LRRC40: variants seen among roughly 807,000 people sequenced by gnomAD.
LRRC40 encodes leucine rich repeat containing 40.
Under a neutral mutation model 72.8 loss-of-function variants are expected in LRRC40, and 76 were observed. That is an observed-to-expected ratio of 1.04 (90% confidence interval 0.87 to 1.26). LRRC40 has a LOEUF of 1.26. Among genes scored for constraint, LRRC40 ranks in the 50% most tolerant of loss-of-function variants. The pLI is 0.00. For synonymous variants in LRRC40, 243 were observed against 254.2 expected, an observed-to-expected ratio of 0.96 and a Z score of 0.42; for missense variants, 684 against 698.9, an observed-to-expected ratio of 0.98 and a Z score of 0.24.
chr1:70,162,313 G>A (rs751284574), intron 9 of LRRC40, among the ~76,000 whole-genome samples: 2 of 152,098 alleles, frequency 1.3e-5, no homozygotes, highest in Non-Finnish European at 2.9e-5. Flanking sequence ...TGGAGAACAT[G>A]CAGAGCTAGT....
At chr1:70,152,364 A>G in intron 12 of LRRC40, 69 bp downstream of exon 12, 3 of 809,548 alleles carry the variant, frequency 3.7e-6, no homozygotes, top group East Asian at 2.6e-5. Flanking sequence ...GGTAAAAAGA[A>G]TAAGTTAGAC....
intron 1 of LRRC40, among the ~76,000 whole-genome samples, chr1:70,203,036 G>A (rs759223761): frequency 1.3e-5 from 2 of 151,942 alleles, no homozygotes; most frequent in African/African-American, 4.8e-5. Flanking sequence ...GACTAAAGGC[G>A]CACGCCACCA....
At chr1:70,178,787 A>T in intron 6 of LRRC40, 64 bp downstream of exon 6, 1 of 1,080,840 alleles carries the variant, frequency 9.3e-7, no homozygotes, top group Non-Finnish European at 1.3e-6. Context: ...TAGCTCCTTT[A>T]AAAATGCATT....
intron 10 of LRRC40, among the ~76,000 whole-genome samples, chr1:70,157,947 T>TA (rs1667675196): frequency 6.6e-6 from 1 of 150,516 alleles, no homozygotes; most frequent in Admixed American, 6.6e-5. Context: ...CTACAAAAAA[T>TA]AAAAAAATTA....
intron 1 of LRRC40, among the ~76,000 whole-genome samples, chr1:70,197,059 G>A (rs1430480610): frequency 6.6e-6 from 1 of 152,106 alleles, no homozygotes; most frequent in Non-Finnish European, 1.5e-5. Flanking sequence ...TGACGTAAAT[G>A]CCCTACGTTG....
intron 9 of LRRC40, among the ~76,000 whole-genome samples, chr1:70,168,718 G>T (rs1667940481): frequency 6.6e-6 from 1 of 152,174 alleles, no homozygotes; most frequent in Admixed American, 6.5e-5. Flanking sequence ...CTACAGAAAA[G>T]CTGAGTGTCT....
intron 14 of LRRC40, among the ~76,000 whole-genome samples, chr1:70,147,680 T>C (rs994254326): frequency 6.6e-6 from 1 of 152,192 alleles, no homozygotes; most frequent in African/African-American, 2.4e-5. Context: ...ACTGTATTTA[T>C]AGTCTCCTAT....
At chr1:70,179,740 T>C (rs1668200596) in intron 5 of LRRC40, among the ~76,000 whole-genome samples, 1 of 152,210 alleles carries the variant, frequency 6.6e-6, no homozygotes, top group Admixed American at 6.5e-5. Flanking sequence ...ATGCTGCTTA[T>C]GTCTTCGTTC....
intron 10 of LRRC40, among the ~76,000 whole-genome samples, chr1:70,156,260 A>C (rs139640495): frequency 1.8e-3 from 275 of 152,280 alleles, no homozygotes; most frequent in African/African-American, 6.0e-3. Context: ...ACATTATACT[A>C]AACTAACTAA....
At chr1:70,166,781 T>A (rs1331275020) in intron 9 of LRRC40, among the ~76,000 whole-genome samples, 2 of 152,172 alleles carry the variant, frequency 1.3e-5, no homozygotes, top group Non-Finnish European at 2.9e-5. Flanking sequence ...CTGAGCTGGA[T>A]ATTTTCTACT....
At chr1:70,150,285 G>A (rs957966449) in intron 13 of LRRC40, among the ~76,000 whole-genome samples, 11 of 152,118 alleles carry the variant, frequency 7.2e-5, no homozygotes, top group African/African-American at 2.7e-4. Context: ...ATGTGACATA[G>A]TTGTTAAGAG....
intron 13 of LRRC40, 135 bp downstream of exon 13, chr1:70,150,992 GA>G (rs1490308937): frequency 7.4e-6 from 4 of 542,010 alleles, no homozygotes; most frequent in Non-Finnish European, 1.0e-5. Context: ...ACTCTAAGAA[GA>G]ACTAAGTGAA....
intron 9 of LRRC40, among the ~76,000 whole-genome samples, chr1:70,167,273 T>C (rs1667903909): frequency 6.8e-6 from 1 of 147,052 alleles, no homozygotes; most frequent in Admixed American, 6.8e-5. Flanking sequence ...TCAAGGAGAA[T>C]ACTGAGCTGA....
At chr1:70,147,759 TTCATA>T (rs1175717968) in intron 14 of LRRC40, 3 of 152,192 alleles carry the variant, frequency 2.0e-5, no homozygotes, top group African/African-American at 7.2e-5. Context: ...TACCAAATCA[TTCATA>T]TGCAGTTTTC....
At chr1:70,163,280 G>C (rs1326077727) in intron 9 of LRRC40, among the ~76,000 whole-genome samples, 1 of 151,956 alleles carries the variant, frequency 6.6e-6, no homozygotes, top group East Asian at 1.9e-4. Context: ...GTAGATACGG[G>C]GTTTCATCAT....
intron 3 of LRRC40, among the ~76,000 whole-genome samples, chr1:70,185,433 A>G (rs1048002648): frequency 2.0e-5 from 3 of 152,082 alleles, no homozygotes; most frequent in African/African-American, 7.2e-5. Flanking sequence ...GGGGTTTCCA[A>G]TTTTGCATCT....
chr1:70,184,164 G>A (rs899539384), intron 4 of LRRC40, among the ~76,000 whole-genome samples: 12 of 151,994 alleles, frequency 7.9e-5, no homozygotes, highest in African/African-American at 1.2e-4. Context: ...CAGGAGAATC[G>A]CTTGAACCTG....
chr1:70,146,553 T>C lies in LRRC40; in HGVS notation c.1704-648A>G, dbSNP rs534580125. ...AAATTTAGGGGGGTAAGAAATATTG[T>C]CTAAGATCAAACAGCTACTAAATGA... On this transcript the variant is annotated intron_variant, in intron 14 of 14. Transcript: ENST00000370952. Among the ~76,000 whole-genome samples the C allele has an allele frequency of 4.6e-5, 7 of 152,268 alleles. No homozygotes were observed. The South Asian group carries it at 1.5e-3, about 32-fold the overall frequency.
chr1:70,165,435 C>T (rs1667860882), intron 9 of LRRC40, among the ~76,000 whole-genome samples: 1 of 152,180 alleles, frequency 6.6e-6, no homozygotes, highest in Admixed American at 6.5e-5. Context: ...TTTGAAGCAT[C>T]ACAGACAAGT....
Sources: gnomAD v4.1 joint callset for allele counts (sites outside exome capture counted in the v4.1 genomes callset) on GRCh38, gnomAD v4.1.1 for gene constraint, MANE v1.5 for transcripts, NCBI Gene and HGNC (gene_info 2026-07-23, HGNC 2026-07-21) for gene names.